Variants in ING5 observed in about 807,000 individuals in gnomAD.
ING5 encodes the protein inhibitor of growth family member 5.
Under a neutral mutation model 37.4 loss-of-function variants are expected in ING5, and 17 were observed. That is an observed-to-expected ratio of 0.45 (90% CI 0.31 to 0.68). The LOEUF (loss-of-function observed/expected upper bound fraction) is 0.68, where lower values mean the gene tolerates loss of function less well. Among genes scored for constraint, ING5 ranks in the 30% least tolerant of loss-of-function variants. The pLI, the probability that ING5 is intolerant of heterozygous loss-of-function variation, is 0.05. For missense variants in ING5, 233 were observed against 311.9 expected (o/e 0.75, Z 1.91); for synonymous variants, 123 against 116.6 (o/e 1.06, Z -0.36).
At chr2:241,695,385 T>G (rs2124855210) in intron 2 of ING5, among the ~76,000 whole-genome samples, 1 of 150,516 alleles carries the variant, frequency 6.6e-6, no homozygotes, top group African/African-American at 2.5e-5. Flanking sequence ...TGGCACGCTG[T>G]CACATATAAC....
upstream of ING5, chr2:241,687,033 G>C: frequency 4.2e-6 from 2 of 481,180 alleles, no homozygotes; most frequent in Non-Finnish European, 6.7e-6. Context: ...TCCCGTGCGG[G>C]CCTCCGTCCT....
upstream of ING5, among the ~76,000 whole-genome samples, chr2:241,700,924 T>G (rs559745651): frequency 6.8e-6 from 1 of 146,416 alleles, no homozygotes; most frequent in Non-Finnish European, 1.5e-5. Context: ...CCGTGCCGAG[T>G]CTGAAACATA....
chr2:241,709,827 G>A (rs1445416020), intron 3 of ING5, among the ~76,000 whole-genome samples: 4 of 151,986 alleles, frequency 2.6e-5, no homozygotes, highest in South Asian at 2.1e-4. Flanking sequence ...TGCTGGTCTC[G>A]AACTCCTGAC....
chr2:241,723,683 G>T, intron 7 of ING5: 5 of 1,388,672 alleles, frequency 3.6e-6, no homozygotes, highest in Non-Finnish European at 5.0e-6. Flanking sequence ...CCGGGGCATG[G>T]ATCTGGGGCT....
intron 1 of ING5, among the ~76,000 whole-genome samples, chr2:241,703,130 G>T (rs1022851612): frequency 4.6e-5 from 7 of 152,192 alleles, no homozygotes; most frequent in Non-Finnish European, 1.0e-4. Flanking sequence ...GCACGCTGGA[G>T]GGGAGGCCTT....
At chr2:241,699,266 C>T (rs557110769), upstream of ING5, among the ~76,000 whole-genome samples, 1 of 152,242 alleles carries the variant, frequency 6.6e-6, no homozygotes, top group African/African-American at 2.4e-5. Flanking sequence ...CTCAGGTGAT[C>T]CACCCACCTC....
chr2:241,709,271 G>A lies in ING5; in HGVS notation c.165G>A (p.Thr55=), dbSNP rs757120830. The change falls in exon 3 of 8, where the codon ACG becomes ACA. Residue 55 remains threonine (T), a synonymous_variant. Transcript: ENST00000313552. ...CAGAGTACATCTCCACGGTGAAGAC[G>A]CTGTCTCCAGACCAGCGCGTGGAGC... The part of the protein sequence containing the change: ...LAAEYISTVK[T]LSPDQRVERL... The A allele has an allele frequency of 2.7e-5, 44 of 1,613,868 alleles. No homozygotes were observed. The South Asian group carries it at 3.8e-4, about 14-fold the overall frequency.
At chr2:241,724,771 G>A in intron 7 of ING5, 1 of 449,974 alleles carries the variant, frequency 2.2e-6, no homozygotes, top group South Asian at 2.3e-5. Flanking sequence ...CTCATTGATG[G>A]TGTATCTGTC....
At chr2:241,705,761 C>CT (rs1182177935) in intron 2 of ING5, among the ~76,000 whole-genome samples, 1 of 152,164 alleles carries the variant, frequency 6.6e-6, no homozygotes, top group African/African-American at 2.4e-5. Context: ...TATTTTATCT[C>CT]TCGTCAGTTT....
At chr2:241,692,989 G>A (rs190232691) in intron 2 of ING5, among the ~76,000 whole-genome samples, 8 of 152,208 alleles carry the variant, frequency 5.3e-5, no homozygotes, top group African/African-American at 1.7e-4. Context: ...GGCCAGGTGC[G>A]TTGGCTCACG....
In ING5 at chr2:241,726,299, G is replaced by C. The variant is rs796771975; in HGVS notation, c.*1268G>C. ...GAAGCCTGGGTTTCTTCATGGTGGG[G>C]GGCCATTTGGAATGACAGCCTCACT... On this transcript the variant is annotated 3_prime_UTR_variant, in exon 8 of 8. Transcript: ENST00000313552. 9 of 152,294 alleles carry C rather than the reference G, an allele frequency of 5.9e-5. No homozygotes were observed. Among genetic ancestry groups the C allele is most frequent in the African/African-American group, 2.2e-4 (9 of 41,558 alleles). 9.4% of individuals were successfully genotyped at this position (152,294 alleles called of 1,614,324 possible). A position where few individuals can be genotyped will look rare whatever the true frequency, so the allele number is the denominator to read the frequency against.
intron 7 of ING5, chr2:241,723,673 C>T: frequency 7.9e-7 from 1 of 1,268,372 alleles, no homozygotes; most frequent in South Asian, 1.2e-5. Flanking sequence ...AGCCCTGAAG[C>T]CGGGGCATGG....
Position 241,709,333 on chromosome 2 carries a change from A to G in ING5, c.227A>G (p.Lys76Arg), listed in dbSNP as rs199686739. 3 of 1,614,000 alleles carry G rather than the reference A, an allele frequency of 1.9e-6. No homozygotes were observed. The highest frequency in any genetic ancestry group is 1.3e-5 in the African/African-American group (1 of 74,938). Residue 76 changes from lysine (K) to arginine (R), a missense_variant, in exon 3 of 8, where the codon AAG becomes AGG. This residue lies in a region of ING5 where 93 missense variants were observed against 99.7 expected (regional missense o/e 0.93). Coordinates refer to ENST00000313552, the MANE Select transcript of ING5 (RefSeq NM_032329.6). ...QKIQNAYSKC[K>R]EYSDDKVQLA... ...ATCCAGAACGCCTACAGCAAGTGCA[A>G]GGAATACAGTGACGACAAAGTGCAG...
upstream of ING5, among the ~76,000 whole-genome samples, chr2:241,698,203 G>C (rs1469783850): frequency 1.3e-5 from 2 of 151,812 alleles, no homozygotes; most frequent in Non-Finnish European, 2.9e-5. Context: ...CCAGCACTTT[G>C]GGAGGCCAAG....
rs1691648256 is a variant in ING5 at position 241,727,020 on chromosome 2, C to T, written c.*1989C>T. The T allele has an allele frequency of 6.6e-6, 1 of 152,410 alleles. No homozygotes were observed. The allele number at this position is 152,410 out of a possible 1,614,324, so 9.4% of individuals were successfully genotyped here. On this transcript the variant is annotated 3_prime_UTR_variant, in exon 8 of 8. Coordinates refer to ENST00000313552, the MANE Select transcript of ING5 (RefSeq NM_032329.6). ...CCATGTTAACCAGGATGGTCTCGAT[C>T]TCCTGACCTCACGATTTGCCCGCCT... is the stretch of plus-strand genomic sequence containing the variant.
At chr2:241,691,063 G>A (rs1364038129) in intron 2 of ING5, among the ~76,000 whole-genome samples, 1 of 151,784 alleles carries the variant, frequency 6.6e-6, no homozygotes, top group Non-Finnish European at 1.5e-5. Context: ...ACCTGCCTCA[G>A]CCTCCCAAAG....
At chr2:241,687,070 G>C (rs1374346929), upstream of ING5, 14 of 399,088 alleles carry the variant, frequency 3.5e-5, no homozygotes, top group Non-Finnish European at 6.1e-5. Context: ...TTCGCTCCGG[G>C]AGGGGAGGTG....
intron 5 of ING5, chr2:241,719,758 A>C: frequency 6.9e-7 from 1 of 1,449,558 alleles, no homozygotes; most frequent in Middle Eastern, 2.3e-4. Flanking sequence ...CTGCAAACAC[A>C]GGAAGATCCA....
chr2:241,696,284 G>A (rs181137164), intron 2 of ING5, among the ~76,000 whole-genome samples: 180 of 151,910 alleles, frequency 1.2e-3, no homozygotes, highest in African/African-American at 4.0e-3. Context: ...CTAGCTACTC[G>A]GGAGGCCAAG....
Sources: allele counts gnomAD v4.1 joint callset (sites outside exome capture counted in the v4.1 genomes callset), GRCh38; gene constraint gnomAD v4.1.1; regional missense constraint gnomAD v4.1.1; transcripts MANE v1.5; gene names NCBI Gene and HGNC (gene_info 2026-07-23, HGNC 2026-07-21).